Variants in RAB38 observed in about 807,000 individuals in gnomAD.
RAB38 encodes the protein ras-related protein Rab-38.
Under a neutral mutation model 18.4 loss-of-function variants are expected in RAB38, and 15 were observed. The ratio of observed to expected loss-of-function variants is 0.82; its 90% CI spans 0.55 to 1.26. The LOEUF (loss-of-function observed/expected upper bound fraction) is 1.26. Ranked by LOEUF, RAB38 falls within the 50% of genes most tolerant of loss-of-function variation. RAB38 has a pLI of 0.00. For missense variants in RAB38, 294 were observed against 267.4 expected (o/e 1.10, Z -0.69); for synonymous variants, 101 against 104.4 (o/e 0.97, Z 0.20).
At chr11:88,025,909 G>T in the RAB38 span, among the ~76,000 whole-genome samples, 1 of 151,926 alleles carries the variant, frequency 6.6e-6, no homozygotes, top group East Asian at 1.9e-4. Context: ...TTTGTTGCAG[G>T]TGATTTTGAG....
the RAB38 span, among the ~76,000 whole-genome samples, chr11:87,854,018 C>A: frequency 2.6e-4 from 40 of 152,286 alleles, no homozygotes; most frequent in Admixed American, 2.5e-3. Flanking sequence ...AGGTCTCGTT[C>A]TTCTATTGCA....
chr11:88,081,211 T>C, the RAB38 span, among the ~76,000 whole-genome samples: 2 of 151,950 alleles, frequency 1.3e-5, no homozygotes, highest in African/African-American at 4.8e-5. Flanking sequence ...AGTAGTATAA[T>C]CACTATGGAA....
the RAB38 span, among the ~76,000 whole-genome samples, chr11:87,952,861 G>T: frequency 6.6e-6 from 1 of 152,204 alleles, no homozygotes; most frequent in Non-Finnish European, 1.5e-5. Flanking sequence ...TATATAAAAA[G>T]GAAAACTATC....
At chr11:88,102,635 A>G in the RAB38 span, among the ~76,000 whole-genome samples, 4 of 152,120 alleles carry the variant, frequency 2.6e-5, no homozygotes, top group African/African-American at 9.7e-5. Context: ...GGTGGCAACC[A>G]GCAGTCTCTG....
chr11:88,085,259 T>A, the RAB38 span, among the ~76,000 whole-genome samples: 1 of 151,924 alleles, frequency 6.6e-6, no homozygotes. Flanking sequence ...GGGTTAACCC[T>A]TCTGGTCAAA....
chr11:87,845,833 T>C, the RAB38 span, among the ~76,000 whole-genome samples: 2 of 152,102 alleles, frequency 1.3e-5, no homozygotes, highest in Non-Finnish European at 2.9e-5. Flanking sequence ...ATTAGACTGT[T>C]GATTTCTCAT....
the RAB38 span, among the ~76,000 whole-genome samples, chr11:87,961,624 A>C: frequency 6.6e-6 from 1 of 152,182 alleles, no homozygotes; most frequent in African/African-American, 2.4e-5. Flanking sequence ...TTTACATAAA[A>C]GCTGACTCTG....
the RAB38 span, among the ~76,000 whole-genome samples, chr11:87,900,170 G>T: frequency 6.6e-6 from 1 of 151,616 alleles, no homozygotes; most frequent in African/African-American, 2.4e-5. Context: ...AAAATATGAA[G>T]GAGGGGTTTA....
chr11:87,948,821 A>G, the RAB38 span, among the ~76,000 whole-genome samples: 4 of 151,832 alleles, frequency 2.6e-5, no homozygotes, highest in Non-Finnish European at 4.4e-5. Context: ...TTTTGCATCA[A>G]TGTTCATCAA....
chr11:88,095,600 T>G, the RAB38 span, among the ~76,000 whole-genome samples: 21,304 of 151,928 alleles, frequency 0.14, 2,192 homozygotes, highest in African/African-American at 0.28. Context: ...TCTTTATATT[T>G]ACTTTCTGCA....
chr11:87,817,425 TAAGTC>T, the RAB38 span: 1 of 152,214 alleles, frequency 6.6e-6, no homozygotes, highest in African/African-American at 2.4e-5. Flanking sequence ...AAAACTCATT[TAAGTC>T]ATTTAAGCAG....
the RAB38 span, among the ~76,000 whole-genome samples, chr11:88,047,047 G>A: frequency 1.3e-5 from 2 of 152,112 alleles, no homozygotes; most frequent in South Asian, 2.1e-4. Flanking sequence ...GCGTGCAGCC[G>A]CTGCCGCCCT....
chr11:87,951,539 T>C, the RAB38 span, among the ~76,000 whole-genome samples: 2 of 152,156 alleles, frequency 1.3e-5, no homozygotes, highest in African/African-American at 4.8e-5. Flanking sequence ...TATCCACCTT[T>C]TGTCTTTGAT....
the RAB38 span, among the ~76,000 whole-genome samples, chr11:87,826,396 C>T: frequency 3.6e-3 from 551 of 152,184 alleles, 3 homozygotes; most frequent in African/African-American, 0.013. Flanking sequence ...TTAATGCACA[C>T]ACATGCTGCA....
At position 88,175,269 on chromosome 11, in the gene RAB38, C is replaced by A. The variant is rs780649574; in HGVS notation, c.116G>T (p.Arg39Leu). 5 of 1,614,146 alleles carry A rather than the reference C, an allele frequency of 3.1e-6. No homozygotes were observed. In the East Asian group the frequency reaches 8.9e-5, roughly 29 times the overall value. ...CGCGAAGTCCACGCCGATTGTGGCC[C>A]GGTAGTGCGAAGAGAAGTTCTGGTG... ...YVHQNFSSHY[R>L]ATIGVDFALK... The change falls in exon 1 of 3, where the codon CGG (arginine) becomes CTG (leucine). Residue 39 changes from arginine to leucine, a missense_variant. By Grantham distance (102) the Arg-to-Leu change is moderately radical. Coordinates refer to ENST00000243662, the MANE Select transcript of RAB38 (RefSeq NM_022337.3).
At chr11:88,158,417 C>T (rs61909954) in intron 1 of RAB38, among the ~76,000 whole-genome samples, 25,843 of 152,008 alleles carry the variant, frequency 0.17, 2,272 homozygotes, top group Middle Eastern at 0.22. Flanking sequence ...TCCTCCCTAA[C>T]TCATTCTAGA....
At chr11:87,851,608 A>G in the RAB38 span, among the ~76,000 whole-genome samples, 1 of 152,176 alleles carries the variant, frequency 6.6e-6, no homozygotes, top group Non-Finnish European at 1.5e-5. Flanking sequence ...TTAAAAGAAA[A>G]GGTAAGAAAA....
chr11:88,080,237 A>C, the RAB38 span, among the ~76,000 whole-genome samples: 1 of 151,810 alleles, frequency 6.6e-6, no homozygotes, highest in African/African-American at 2.4e-5. Flanking sequence ...ACAAAACAAA[A>C]AAATTATTCA....
chr11:88,025,632 T>A, the RAB38 span, among the ~76,000 whole-genome samples: 10 of 152,220 alleles, frequency 6.6e-5, no homozygotes, highest in East Asian at 3.8e-4. Context: ...ATAAGTGATA[T>A]GGAGCATTTT....
Sources: gnomAD v4.1 joint callset for allele counts (sites outside exome capture counted in the v4.1 genomes callset) on GRCh38, gnomAD v4.1.1 for gene constraint, MANE v1.5 for transcripts, NCBI Gene and HGNC (gene_info 2026-07-23, HGNC 2026-07-21) for gene names.